ASIC2: variants seen among roughly 807,000 people sequenced by gnomAD.
ASIC2 encodes acid-sensing ion channel 2.
A neutral mutation model predicts 57.3 loss-of-function variants in ASIC2; 25 were observed. That is an observed-to-expected ratio of 0.44 (90% confidence interval 0.32 to 0.61). The LOEUF is 0.61. Among genes scored for constraint, ASIC2 ranks in the 20% least tolerant of loss-of-function variants. The pLI, the probability that ASIC2 is intolerant of heterozygous loss-of-function variation, is 0.06. For synonymous variants in ASIC2, 319 were observed against 307.5 expected, an observed-to-expected ratio of 1.04 and a Z score of -0.39; for missense variants, 641 against 738.1, an observed-to-expected ratio of 0.87 and a Z score of 1.52.
At chr17:34,032,793 A>T (rs1270774129) in intron 1 of ASIC2, among the ~76,000 whole-genome samples, 1 of 152,370 alleles carries the variant, frequency 6.6e-6, no homozygotes, top group East Asian at 1.9e-4. Flanking sequence ...GAAAGGGATC[A>T]ATGCAACAAG....
chr17:33,297,820 C>G (rs1296739941), upstream of ASIC2, among the ~76,000 whole-genome samples: 1 of 123,196 alleles, frequency 8.1e-6, no homozygotes, highest in Non-Finnish European at 1.7e-5. Flanking sequence ...GAGACCCTGT[C>G]TCAAAATAAA....
intron 1 of ASIC2, among the ~76,000 whole-genome samples, chr17:33,823,281 C>T (rs528596049): frequency 6.6e-6 from 1 of 152,264 alleles, no homozygotes; most frequent in Non-Finnish European, 1.5e-5. Context: ...CATTTCCATC[C>T]CACTGTGTCA....
At position 33,414,961 on chromosome 17, in the gene ASIC2, C is replaced by T. The variant is rs148341213; in HGVS notation, c.556-302894G>A. 1.2e-4 allele frequency among the ~76,000 whole-genome samples: 18 copies of T among 152,348 alleles called. No individual in the cohort carries two copies. The East Asian group carries it at 1.3e-3, about 11-fold the overall frequency. ...AACCAGGCTACTGCTAGTTCAGATA[C>T]CCTCCTCACATGTTGGTGGGACTGA... On this transcript the variant is annotated intron_variant, in intron 1 of 9. Transcript: ENST00000359872.
intron 1 of ASIC2, among the ~76,000 whole-genome samples, chr17:33,219,068 C>T (rs1005084804): frequency 6.6e-6 from 1 of 152,150 alleles, no homozygotes; most frequent in Admixed American, 6.5e-5. Flanking sequence ...GAATAAACAG[C>T]ATAGGGTGAG....
chr17:33,768,077 C>T (rs988244848), intron 1 of ASIC2, among the ~76,000 whole-genome samples: 1 of 151,758 alleles, frequency 6.6e-6, no homozygotes, highest in East Asian at 1.9e-4. Context: ...GGCGCGATCT[C>T]GGCTCACTGC....
intron 1 of ASIC2, among the ~76,000 whole-genome samples, chr17:33,574,606 G>T (rs1247192745): frequency 6.6e-6 from 1 of 152,202 alleles, no homozygotes; most frequent in Non-Finnish European, 1.5e-5. Context: ...TCCAGGCATT[G>T]CCAAATGTCC....
chr17:33,175,716 G>A (rs1326130222), intron 1 of ASIC2, among the ~76,000 whole-genome samples: 4 of 151,982 alleles, frequency 2.6e-5, no homozygotes, highest in Admixed American at 6.5e-5. Context: ...TGTGCAATCC[G>A]CTCACTCCTC....
intron 1 of ASIC2, among the ~76,000 whole-genome samples, chr17:33,147,935 T>C (rs1346481284): frequency 1.3e-5 from 2 of 152,142 alleles, no homozygotes; most frequent in African/African-American, 2.4e-5. Flanking sequence ...GTATGTTCAC[T>C]TGGAATCCTG....
chr17:33,145,327 T>C (rs1425428686), intron 1 of ASIC2, among the ~76,000 whole-genome samples: 1 of 152,230 alleles, frequency 6.6e-6, no homozygotes, highest in African/African-American at 2.4e-5. Flanking sequence ...AGCACCAGCG[T>C]TGCCATGCAC....
At position 33,782,169 on chromosome 17, in the gene ASIC2, C is replaced by A. The variant is rs573558525; in HGVS notation, c.555+373809G>T. 3.5e-4 allele frequency among the ~76,000 whole-genome samples: 53 copies of A among 152,188 alleles called. 1 individual carries two copies. The South Asian group carries it at 0.011, about 31-fold the overall frequency. On this transcript the variant is annotated intron_variant, in intron 1 of 9. Coordinates refer to the ASIC2 transcript ENST00000359872. Reference sequence around the variant, plus strand: ...AAACATTTTTAATTTTAATGAAGTCCAATTTATACATTTTTTCTTTTACAG... The same window carrying A: ...AAACATTTTTAATTTTAATGAAGTCAAATTTATACATTTTTTCTTTTACAG...
intron 1 of ASIC2, among the ~76,000 whole-genome samples, chr17:33,302,039 T>A (rs544429339): frequency 6.6e-6 from 1 of 152,366 alleles, no homozygotes; most frequent in East Asian, 1.9e-4. Flanking sequence ...TCTTGTTGAC[T>A]GGTGGCATCT....
intron 1 of ASIC2, among the ~76,000 whole-genome samples, chr17:33,725,150 CCCACAG>C (rs1402503962): frequency 1.3e-5 from 2 of 152,216 alleles, no homozygotes; most frequent in South Asian, 4.1e-4. Flanking sequence ...AGCTCTGCTC[CCCACAG>C]CCTCTCACTG....
intron 1 of ASIC2, among the ~76,000 whole-genome samples, chr17:33,830,208 G>C (rs1480017251): frequency 6.6e-6 from 1 of 152,054 alleles, no homozygotes; most frequent in Non-Finnish European, 1.5e-5. Context: ...GGTTTGTCCA[G>C]ACTTATAGAT....
chr17:33,451,189 T>C (rs1327131038), intron 1 of ASIC2, among the ~76,000 whole-genome samples: 5 of 152,054 alleles, frequency 3.3e-5, no homozygotes, highest in African/African-American at 1.2e-4. Context: ...CCCGAGTAGC[T>C]GGGATTACAG....
intron 1 of ASIC2, among the ~76,000 whole-genome samples, chr17:34,015,297 G>C (rs1253954111): frequency 2.0e-5 from 3 of 152,150 alleles, no homozygotes; most frequent in Non-Finnish European, 1.5e-5. Flanking sequence ...AGAGACTCCA[G>C]TTTAAACCTC....
At chr17:33,657,953 T>C (rs1907128537) in intron 1 of ASIC2, among the ~76,000 whole-genome samples, 2 of 152,110 alleles carry the variant, frequency 1.3e-5, no homozygotes, top group South Asian at 4.1e-4. Context: ...CAACAACTCC[T>C]CAGGGATATA....
intron 1 of ASIC2, among the ~76,000 whole-genome samples, chr17:33,288,997 C>A (rs1905307580): frequency 1.3e-5 from 2 of 152,116 alleles, no homozygotes; most frequent in Admixed American, 1.3e-4. Flanking sequence ...TCCTGACAGG[C>A]CTGCTGTATA....
At chr17:33,196,863 GATGGGAGT>G (rs1906649776) in intron 1 of ASIC2, among the ~76,000 whole-genome samples, 1 of 152,222 alleles carries the variant, frequency 6.6e-6, no homozygotes, top group Non-Finnish European at 1.5e-5. Context: ...ATGACACACA[GATGGGAGT>G]AGGAATCTCC....
chr17:33,606,326 C>T (rs1567667162), intron 1 of ASIC2, among the ~76,000 whole-genome samples: 1 of 152,148 alleles, frequency 6.6e-6, no homozygotes, highest in Admixed American at 6.5e-5. Flanking sequence ...GGTGAGTTGG[C>T]GCCATCCTTC....
Sources: allele counts gnomAD v4.1 joint callset (sites outside exome capture counted in the v4.1 genomes callset), GRCh38; gene constraint gnomAD v4.1.1; transcripts MANE v1.5; gene names NCBI Gene and HGNC (gene_info 2026-07-23, HGNC 2026-07-21).